PRKCD: variants seen among roughly 807,000 people sequenced by gnomAD.
The protein encoded by PRKCD is protein kinase C delta.
PRKCD carries 20 observed loss-of-function variants against 82.2 expected under a neutral mutation model. The observed-to-expected ratio is 0.24, with a 90% CI of 0.17 to 0.35. The LOEUF (loss-of-function observed/expected upper bound fraction) is 0.35, where lower values mean the gene tolerates loss of function less well. Ranked by LOEUF, PRKCD falls within the 10% of genes least tolerant of loss-of-function variation. The probability of loss-of-function intolerance (pLI) is 1.00; values close to 1 mark genes in which losing one functional copy is unlikely to be tolerated. For missense variants in PRKCD, 607 were observed against 899.0 expected, an observed-to-expected ratio of 0.68 and a Z score of 4.15; for synonymous variants, 317 against 337.0, an observed-to-expected ratio of 0.94 and a Z score of 0.65.
intron 2 of PRKCD, among the ~76,000 whole-genome samples, chr3:53,171,239 T>G (rs1252660454): frequency 6.6e-6 from 1 of 152,210 alleles, no homozygotes; most frequent in Non-Finnish European, 1.5e-5. Context: ...GCCCTCTGAC[T>G]GAGCCCAGGA....
At position 53,181,428 on chromosome 3, in the gene PRKCD, A is replaced by T. The variant is rs782804218; in HGVS notation, c.377-16A>T. On this transcript the variant is annotated splice_polypyrimidine_tract_variant and intron_variant, in intron 5 of 18. Transcript: ENST00000330452. ...TCCAGATACCAGGGCTGACTTCCCTACTCCATGGTCACCAGATTGCAAACA... is the reference window on the plus strand; with the variant it reads ...TCCAGATACCAGGGCTGACTTCCCTTCTCCATGGTCACCAGATTGCAAACA... 1.9e-6 allele frequency: 3 copies of T among 1,613,938 alleles called. No individual in the cohort carries two copies. Among genetic ancestry groups the T allele is most frequent in the Middle Eastern group, 1.6e-4 (1 of 6,062 alleles).
intron 4 of PRKCD, 119 bp from the exon 5 acceptor site, chr3:53,181,088 T>C: frequency 2.8e-6 from 3 of 1,078,190 alleles, no homozygotes; most frequent in African/African-American, 3.1e-5. Flanking sequence ...AGTGTCTGGC[T>C]AGGCCTTGGG....
At position 53,171,443 on chromosome 3, in the gene PRKCD, C is replaced by G. The variant is rs146168024; in HGVS notation, c.-20+6228C>G. Among the ~76,000 whole-genome samples, 366 of 152,352 alleles carry G rather than the reference C, an allele frequency of 2.4e-3. 2 individuals carry two copies. The highest frequency in any genetic ancestry group is 8.5e-3 in the African/African-American group (354 of 41,576). On this transcript the variant is annotated intron_variant, in intron 2 of 18. Transcript: ENST00000330452. Reference sequence around the variant, plus strand: ...TTATGCTCCTGCTGACCCCTCAGATCGAAGGCCCCCAGCCAACAGGTCCCT... The same window carrying G: ...TTATGCTCCTGCTGACCCCTCAGATGGAAGGCCCCCAGCCAACAGGTCCCT...
At chr3:53,186,397 C>T in intron 13 of PRKCD, 57 bp downstream of exon 13, 3 of 1,598,020 alleles carry the variant, frequency 1.9e-6, no homozygotes, top group Non-Finnish European at 2.6e-6. Flanking sequence ...CACAGCTCCT[C>T]AGCCCCCCTC....
intron 7 of PRKCD, 116 bp from the exon 8 acceptor site, chr3:53,183,005 G>T (rs561625734): frequency 4.1e-6 from 4 of 982,110 alleles, no homozygotes; most frequent in Non-Finnish European, 4.8e-6. Context: ...GGGTGTGGGC[G>T]GTCAGGAGAA....
intron 2 of PRKCD, among the ~76,000 whole-genome samples, chr3:53,176,465 T>G (rs1331345947): frequency 1.3e-5 from 2 of 152,386 alleles, no homozygotes; most frequent in South Asian, 4.1e-4. Flanking sequence ...GGAAGTCATC[T>G]GGGGCTGGGC....
chr3:53,183,267 T>C, intron 8 of PRKCD, 61 bp downstream of exon 8: 1 of 1,588,194 alleles, frequency 6.3e-7, no homozygotes, highest in Non-Finnish European at 8.6e-7. Flanking sequence ...GGGAGGGATT[T>C]GCACCCTCTC....
At chr3:53,182,417 C>T (rs528325895) in intron 7 of PRKCD, among the ~76,000 whole-genome samples, 54 of 152,166 alleles carry the variant, frequency 3.5e-4, no homozygotes, top group African/African-American at 1.1e-3. Flanking sequence ...TACAGGCGTG[C>T]ACCACCATGC....
chr3:53,183,647 GC>G, intron 9 of PRKCD, 66 bp downstream of exon 9: 1 of 1,584,952 alleles, frequency 6.3e-7, no homozygotes, highest in African/African-American at 1.3e-5. Context: ...GTGAATTCCA[GC>G]CACCTCACGC....
At chr3:53,166,900 CA>C (rs1417272775) in intron 2 of PRKCD, among the ~76,000 whole-genome samples, 1 of 152,262 alleles carries the variant, frequency 6.6e-6, no homozygotes, top group Non-Finnish European at 1.5e-5. Context: ...GAGGCTGTGT[CA>C]GCTGTGCCAG....
intron 17 of PRKCD, 117 bp from the exon 18 acceptor site, chr3:53,189,756 A>G (rs540459885): frequency 4.5e-5 from 66 of 1,454,570 alleles, no homozygotes; most frequent in Admixed American, 1.4e-4. Context: ...ACCGTTCCCC[A>G]GGCTGACTGG....
chr3:53,167,631 C>A (rs1702877239), intron 2 of PRKCD, among the ~76,000 whole-genome samples: 1 of 152,262 alleles, frequency 6.6e-6, no homozygotes, highest in African/African-American at 2.4e-5. Context: ...AAGTAGCTGG[C>A]ATCGTGCTTA....
intron 10 of PRKCD, among the ~76,000 whole-genome samples, chr3:53,185,292 G>C (rs1369349340): frequency 6.6e-6 from 1 of 152,182 alleles, no homozygotes; most frequent in African/African-American, 2.4e-5. Flanking sequence ...AAAACCTAAA[G>C]GTAAAATTTT....
chr3:53,166,609 G>A (rs1038754284), intron 2 of PRKCD, among the ~76,000 whole-genome samples: 2 of 152,208 alleles, frequency 1.3e-5, no homozygotes, highest in African/African-American at 4.8e-5. Context: ...CCCAGTTACC[G>A]TTGGCATCCA....
chr3:53,183,445 C>T lies in PRKCD; in HGVS notation c.658-7C>T, dbSNP rs922284930. Reference sequence around the variant, plus strand: ...TGACCCTCAGCCTGTGATACCCCCACCTCCAGTTCCAGAAAGAACGCTTCA... The same window carrying T: ...TGACCCTCAGCCTGTGATACCCCCATCTCCAGTTCCAGAAAGAACGCTTCA... On this transcript the variant is annotated splice_region_variant and splice_polypyrimidine_tract_variant and intron_variant, in intron 8 of 18. Coordinates refer to ENST00000330452, the MANE Select transcript of PRKCD (RefSeq NM_006254.4). 3.1e-6 allele frequency: 5 copies of T among 1,614,084 alleles called. No homozygotes were observed. The highest frequency in any genetic ancestry group is 1.6e-4 in the Middle Eastern group (1 of 6,062).
chr3:53,189,299 TG>T, intron 17 of PRKCD, 53 bp downstream of exon 17: 1 of 1,521,566 alleles, frequency 6.6e-7, no homozygotes, highest in South Asian at 1.3e-5. Flanking sequence ...GGGCAGGGGC[TG>T]GCAGACACTG....
At chr3:53,184,323 A>C (rs1703586424) in intron 9 of PRKCD, among the ~76,000 whole-genome samples, 1 of 124,652 alleles carries the variant, frequency 8.0e-6, no homozygotes, top group Admixed American at 9.0e-5. Flanking sequence ...TGACAGAGTG[A>C]GACTCCGTCT....
chr3:53,183,511 G>A lies in PRKCD; in HGVS notation c.717G>A (p.Met239Ile). The part of the protein sequence containing the change: ...MPHRFKVHNY[M>I]SPTFCDHCGS... ...ACCGCTTCAAGGTTCACAACTACAT[G>A]AGCCCCACCTTCTGTGACCACTGCG... The change falls in exon 9 of 19, where the codon ATG (methionine) becomes ATA (isoleucine). Residue 239 changes from methionine to isoleucine, a missense_variant. By Grantham distance (10) the Met-to-Ile change is conservative. This residue lies in a region of PRKCD where 109 missense variants were observed against 155.6 expected (regional missense o/e 0.70). Transcript: ENST00000330452. 5 of 1,614,180 alleles carry A rather than the reference G, an allele frequency of 3.1e-6. No individual in the cohort carries two copies. Among genetic ancestry groups the A allele is most frequent in the Non-Finnish European group, 4.2e-6 (5 of 1,180,034 alleles).
At chr3:53,165,611 A>G (rs1702807478) in intron 2 of PRKCD, among the ~76,000 whole-genome samples, 1 of 152,234 alleles carries the variant, frequency 6.6e-6, no homozygotes, top group Non-Finnish European at 1.5e-5. Context: ...TCATCACACA[A>G]GGACACTGAA....
Sources: gnomAD v4.1 joint callset for allele counts (sites outside exome capture counted in the v4.1 genomes callset) on GRCh38, gnomAD v4.1.1 for gene constraint, gnomAD v4.1.1 regional missense constraint, MANE v1.5 for transcripts, NCBI Gene and HGNC (gene_info 2026-07-23, HGNC 2026-07-21) for gene names.